TIGD4: variants seen among roughly 807,000 people sequenced by gnomAD.
TIGD4 encodes the protein tigger transposable element derived 4, also known as tigger transposable element-derived protein 4.
TIGD4 carries 20 observed loss-of-function variants against 24.9 expected under a neutral mutation model. The observed-to-expected ratio is 0.80, with a 90% CI of 0.56 to 1.17. TIGD4 has a LOEUF of 1.17. TIGD4 is among the 50% of genes most tolerant of loss of function. The pLI is 0.00. For missense variants in TIGD4, 566 were observed against 591.0 expected, an observed-to-expected ratio of 0.96 and a Z score of 0.44; for synonymous variants, 193 against 211.0, an observed-to-expected ratio of 0.91 and a Z score of 0.74.
intron 1 of TIGD4, among the ~76,000 whole-genome samples, chr4:152,772,941 A>C (rs1730201359): frequency 6.6e-6 from 1 of 151,976 alleles, no homozygotes; most frequent in Non-Finnish European, 1.5e-5. Context: ...CAATCTCTTG[A>C]CCTCATGATC....
Position 152,778,991 on chromosome 4 carries a change from T to C in TIGD4, c.-539+491A>G, listed in dbSNP as rs538070915. On this transcript the variant is annotated intron_variant, in intron 1 of 1. Transcript: ENST00000304337. The stretch of plus-strand genomic sequence containing the variant: ...TCCAGCAGTTCGAAGGGATATTCTG[T>C]GATGGACCAACTGTATGGTACAGTG... 2.0e-4 allele frequency among the ~76,000 whole-genome samples: 31 copies of C among 152,324 alleles called. No homozygotes were observed. The South Asian group carries it at 5.2e-3, about 25-fold the overall frequency.
At chr4:152,774,871 C>T (rs1362628589) in intron 1 of TIGD4, among the ~76,000 whole-genome samples, 1 of 151,750 alleles carries the variant, frequency 6.6e-6, no homozygotes, top group Non-Finnish European at 1.5e-5. Flanking sequence ...GATATACAAA[C>T]CTTAAAACTG....
chr4:152,775,285 T>C (rs1384788407), intron 1 of TIGD4, among the ~76,000 whole-genome samples: 1 of 152,256 alleles, frequency 6.6e-6, no homozygotes. Context: ...GTATTAGTTT[T>C]CTACTGCTAA....
rs1730165125 is a variant in TIGD4 at position 152,771,133 on chromosome 4, CT to C, written c.-130del. The C allele has an allele frequency of 3.6e-6, 4 of 1,126,060 alleles. No individual in the cohort carries two copies. The highest frequency in any genetic ancestry group is 2.2e-4 in the Middle Eastern group (1 of 4,446). The allele number at this position is 1,126,060 out of a possible 1,614,324, so 69.8% of individuals were successfully genotyped here. On this transcript the variant is annotated 5_prime_UTR_variant, in exon 2 of 2. Coordinates refer to ENST00000304337, the MANE Select transcript of TIGD4 (RefSeq NM_145720.4). ...TACTTTATACACTAAAAGTTGGTGT[CT>C]AATAGTCTTATTTTGTAGGAACTTG... is the stretch of plus-strand genomic sequence containing the variant.
intron 1 of TIGD4, among the ~76,000 whole-genome samples, chr4:152,773,642 T>G (rs1355414181): frequency 1.2e-5 from 1 of 82,132 alleles, no homozygotes; most frequent in East Asian, 3.4e-4. Context: ...TCCAATGCCT[T>G]AAAAAAAAAA....
rs1730114463 is a variant in TIGD4, at chr4:152,769,380, A to C, written c.*86T>G. The C allele has an allele frequency of 1.1e-6, 1 of 930,684 alleles. No individual in the cohort carries two copies. Among genetic ancestry groups the C allele is most frequent in the Admixed American group, 3.5e-5 (1 of 28,384 alleles). The allele number at this position is 930,684 out of a possible 1,614,324, so 57.7% of individuals were successfully genotyped here. A position where few individuals can be genotyped will look rare whatever the true frequency, so the allele number is the denominator to read the frequency against. The stretch of plus-strand genomic sequence containing the variant: ...TAGCAGTTTTCCATTTTTTATGTTT[A>C]AGTGGTGTGGTACAACTCCTTTACA... On this transcript the variant is annotated 3_prime_UTR_variant, in exon 2 of 2. Transcript: ENST00000304337.
Position 152,769,566 on chromosome 4 carries a change from T to C in TIGD4, c.1439A>G (p.Asp480Gly), listed in dbSNP as rs1344096345. ...ACTTCTGAGAAATTTTTTCAGAGTA[T>C]CTAAAGCAGTTATTGCCTCAGATTT... The part of the protein sequence containing the change: ...PSKSEAITAL[D>G]TLKKFLRSQD... Residue 480 changes from aspartate to glycine, a missense_variant, in exon 2 of 2, where the codon GAT becomes GGT. Transcript: ENST00000304337. The C allele has an allele frequency of 6.2e-7, 1 of 1,613,138 alleles. No individual in the cohort carries two copies. Among genetic ancestry groups the C allele is most frequent in the Admixed American group, 1.7e-5 (1 of 59,862 alleles).
At position 152,770,509 on chromosome 4, in the gene TIGD4, C is replaced by T. The variant is rs1730149019; in HGVS notation, c.496G>A (p.Val166Ile). 1 of 1,612,138 alleles carries T rather than the reference C, an allele frequency of 6.2e-7. No individual in the cohort carries two copies. Among genetic ancestry groups the T allele is most frequent in the South Asian group, 1.1e-5 (1 of 90,722 alleles). Reference protein sequence around the residue: ...VDPSTVWYQNVLPYYLNDYHP... With the variant: ...VDPSTVWYQNILPYYLNDYHP... ...TAATCATTTAAATAATAAGGAAGTA[C>T]ATTTTGGTACCAGACAGTCGAAGGG... The change falls in exon 2 of 2, where the codon GTA (valine) becomes ATA (isoleucine). Residue 166 changes from valine (V) to isoleucine (I), a missense_variant. By Grantham distance (29) the Val-to-Ile change is conservative. Transcript: ENST00000304337.
rs1256745840 is a variant in TIGD4, at chr4:152,770,110, G to A, written c.895C>T (p.Leu299=). ...SFPAHPEVKN[L]KSIELAFFPS... ...AAGAATGCTAACTCAATGGATTTTA[G>A]GTTCTTTACCTCTGGATGTGCTGGA... The change falls in exon 2 of 2, where the codon CTA becomes TTA. Residue 299 remains leucine (L), a synonymous_variant. Transcript: ENST00000304337. 1 of 1,613,988 alleles carries A rather than the reference G, an allele frequency of 6.2e-7. No individual in the cohort carries two copies. Among genetic ancestry groups the A allele is most frequent in the Admixed American group, 1.7e-5 (1 of 60,020 alleles).
rs1262771339 is a variant in TIGD4, at chr4:152,769,794, G to A, written c.1211C>T (p.Ala404Val). 3 of 1,613,332 alleles carry A rather than the reference G, an allele frequency of 1.9e-6. No homozygotes were observed. The highest frequency in any genetic ancestry group is 2.5e-6 in the Non-Finnish European group (3 of 1,179,922). The change falls in exon 2 of 2, where the codon GCT (alanine) becomes GTT (valine). Residue 404 changes from alanine to valine, a missense_variant. Physicochemically the swap from Ala to Val is moderately conservative, Grantham distance 64. Transcript: ENST00000304337. ...KDTGLDLVADALGAGVEFPEG... is the reference protein window; with the variant it reads ...KDTGLDLVADVLGAGVEFPEG... The stretch of plus-strand genomic sequence containing the variant: ...AGGAAATTCTACTCCTGCCCCCAGA[G>A]CATCAGCAACCAAATCCAGACCAGT...
rs1730166551 is a variant in TIGD4, at chr4:152,771,164, C to T, written c.-160G>A. 2.5e-6 allele frequency: 2 copies of T among 806,658 alleles called. No homozygotes were observed. Among genetic ancestry groups the T allele is most frequent in the East Asian group, 3.1e-5 (1 of 32,446 alleles). 50.0% of individuals were successfully genotyped at this position (806,658 alleles called of 1,614,324 possible). A position where few individuals can be genotyped will look rare whatever the true frequency, so the allele number is the denominator to read the frequency against. On this transcript the variant is annotated 5_prime_UTR_variant, in exon 2 of 2. Transcript: ENST00000304337. ...GTCTTATTTTGTAGGAACTTGATGA[C>T]AAAATATGCTTTTTCAAAGATCTGA... is the stretch of plus-strand genomic sequence containing the variant.
In TIGD4 at chr4:152,773,068, T is replaced by G. The variant is rs373506337; in HGVS notation, c.-538-1526A>C. ...ATGAGAACAGTCACATGGCCCCAGA[T>G]AGGCTCACCTCTACTTTCCCAAGTC... On this transcript the variant is annotated intron_variant, in intron 1 of 1. Transcript: ENST00000304337. Among the ~76,000 whole-genome samples the G allele has an allele frequency of 9.2e-5, 14 of 152,286 alleles. No individual in the cohort carries two copies. In the East Asian group the frequency reaches 2.5e-3, roughly 27 times the overall value.
chr4:152,773,337 C>G (rs754527985), intron 1 of TIGD4, among the ~76,000 whole-genome samples: 6 of 152,056 alleles, frequency 3.9e-5, no homozygotes, highest in Non-Finnish European at 8.8e-5. Flanking sequence ...TAAAGGAATT[C>G]TTTTTTTAAA....
chr4:152,778,185 T>TA (rs1353914332), intron 1 of TIGD4, among the ~76,000 whole-genome samples: 1 of 152,202 alleles, frequency 6.6e-6, no homozygotes, highest in Non-Finnish European at 1.5e-5. Context: ...TCTGACAGTC[T>TA]AATAGTTAGA....
rs1436094651 is a variant in TIGD4 at position 152,779,593 on chromosome 4, G to GA, written c.-651_-650insT. ...CGGCACCAGCTCACGGTCTGTTGGG[G>GA]GGGTCCTCCTAACGTGTGAGGCTAG... On this transcript the variant is annotated 5_prime_UTR_variant, in exon 1 of 2. Coordinates refer to ENST00000304337, the MANE Select transcript of TIGD4 (RefSeq NM_145720.4). The GA allele has an allele frequency of 6.6e-6, 1 of 152,306 alleles. No homozygotes were observed. Among genetic ancestry groups the GA allele is most frequent in the Non-Finnish European group, 1.5e-5 (1 of 68,126 alleles). The allele number at this position is 152,306 out of a possible 1,614,324, so 9.4% of individuals were successfully genotyped here.
intron 1 of TIGD4, among the ~76,000 whole-genome samples, chr4:152,771,783 T>C (rs959351412): frequency 6.6e-6 from 1 of 151,958 alleles, no homozygotes; most frequent in Non-Finnish European, 1.5e-5. Context: ...TAATATATAG[T>C]TCTGAAATAA....
chr4:152,771,639 A>G (rs1180792840), intron 1 of TIGD4, 97 bp from the exon 2 acceptor site: 2 of 152,628 alleles, frequency 1.3e-5, no homozygotes, highest in African/African-American at 4.8e-5. Flanking sequence ...CTTAATAATG[A>G]AAATAATAGA....
In TIGD4 at chr4:152,770,156, C is replaced by A. The variant is rs748870139; in HGVS notation, c.849G>T (p.Val283=). The A allele has an allele frequency of 5.6e-6, 9 of 1,614,084 alleles. No individual in the cohort carries two copies. Among genetic ancestry groups the A allele is most frequent in the Non-Finnish European group, 6.8e-6 (8 of 1,179,956 alleles). The change falls in exon 2 of 2, where the codon GTG becomes GTT. Residue 283 remains valine (V), a synonymous_variant. Coordinates refer to ENST00000304337, the MANE Select transcript of TIGD4 (RefSeq NM_145720.4). ...CTGGAAAAGACTCAACAAAAATCAC[C>A]ACTCTTCGTTGCTGGGCTTGAAATT... ...DEEFQAQQRR[V]VIFVESFPAH...
Position 152,771,131 on chromosome 4 carries a change from G to A in TIGD4, c.-127C>T. 2.7e-6 allele frequency: 3 copies of A among 1,131,040 alleles called. No individual in the cohort carries two copies. The highest frequency in any genetic ancestry group is 3.6e-6 in the Non-Finnish European group (3 of 844,780). The allele number at this position is 1,131,040 out of a possible 1,614,324, so 70.1% of individuals were successfully genotyped here. A position where few individuals can be genotyped will look rare whatever the true frequency, so the allele number is the denominator to read the frequency against. On this transcript the variant is annotated 5_prime_UTR_variant, in exon 2 of 2. Transcript: ENST00000304337. Reference sequence around the variant, plus strand: ...CCTACTTTATACACTAAAAGTTGGTGTCTAATAGTCTTATTTTGTAGGAAC... The same window carrying A: ...CCTACTTTATACACTAAAAGTTGGTATCTAATAGTCTTATTTTGTAGGAAC...
Sources: allele counts gnomAD v4.1 joint callset (sites outside exome capture counted in the v4.1 genomes callset), GRCh38; gene constraint gnomAD v4.1.1; transcripts MANE v1.5; gene names NCBI Gene and HGNC (gene_info 2026-07-23, HGNC 2026-07-21).